Variants in P2RY2 observed in about 807,000 individuals in gnomAD.
P2RY2 encodes the protein P2Y purinoceptor 2.
For synonymous variants in P2RY2, 241 were observed against 231.9 expected, an observed-to-expected ratio of 1.04 and a Z score of -0.35; for missense variants, 567 against 515.7, an observed-to-expected ratio of 1.10 and a Z score of -0.96.
rs1017642060 is a variant in P2RY2, at chr11:73,238,370, C to A, written c.*3077C>A. On this transcript the variant is annotated 3_prime_UTR_variant, in exon 3 of 3. Transcript: ENST00000393597. ...GGTCCCTGGCACACAGGGGTCTCTG[C>A]CCTGGGTGGCAGGTGTCCCAGGGTC... 1.4e-4 allele frequency among the ~76,000 whole-genome samples: 21 copies of A among 152,280 alleles called. No individual in the cohort carries two copies. Among genetic ancestry groups the A allele is most frequent in the African/African-American group, 4.6e-4 (19 of 41,550 alleles).
chr11:73,221,626 C>T lies in P2RY2; in HGVS notation c.-200+3194C>T, dbSNP rs186067488. 1.6e-3 allele frequency among the ~76,000 whole-genome samples: 243 copies of T among 152,278 alleles called. 2 individuals are homozygous for T. Among genetic ancestry groups the T allele is most frequent in the African/African-American group, 5.3e-3 (222 of 41,560 alleles). On this transcript the variant is annotated intron_variant, in intron 1 of 2. Transcript: ENST00000393597. ...TGCCCCTCATGCCTTCCACCCAAAC[C>T]GCCTCTCCCCAAACTGCTTTCTGTA... is the stretch of plus-strand genomic sequence containing the variant.
intron 1 of P2RY2, among the ~76,000 whole-genome samples, chr11:73,222,896 A>G: frequency 6.6e-6 from 1 of 152,060 alleles, no homozygotes; most frequent in East Asian, 1.9e-4. Flanking sequence ...CTGACTGGGT[A>G]CTCCTCAAGG....
rs1862732294 is a variant in P2RY2 at position 73,239,605 on chromosome 11, C to G, written c.*4312C>G. On this transcript the variant is annotated 3_prime_UTR_variant, in exon 3 of 3. Coordinates refer to ENST00000393597, the MANE Select transcript of P2RY2 (RefSeq NM_002564.4). ...ACAGATCTAGGAGCAGAGGACTGGT[C>G]TGGAGCTGGGCAAGGGCAGGCAGCA... 6.6e-6 allele frequency: 1 copy of G among 152,348 alleles called. No homozygotes were observed. Among genetic ancestry groups the G allele is most frequent in the East Asian group, 1.9e-4 (1 of 5,200 alleles). 9.4% of individuals were successfully genotyped at this position (152,348 alleles called of 1,614,324 possible). A position where few individuals can be genotyped will look rare whatever the true frequency, so the allele number is the denominator to read the frequency against.
At chr11:73,220,675 G>A (rs1259632272) in intron 1 of P2RY2, among the ~76,000 whole-genome samples, 1 of 152,182 alleles carries the variant, frequency 6.6e-6, no homozygotes, top group East Asian at 1.9e-4. Flanking sequence ...CAAAAGGCTT[G>A]TCGCTCTTTC....
At chr11:73,222,972 T>C (rs974365189) in intron 1 of P2RY2, among the ~76,000 whole-genome samples, 10 of 152,230 alleles carry the variant, frequency 6.6e-5, no homozygotes, top group African/African-American at 2.4e-4. Flanking sequence ...CACCAGAGCA[T>C]TGGCAAGTGT....
At position 73,235,468 on chromosome 11, in the gene P2RY2, G is replaced by C; in HGVS notation, c.*175G>C. On this transcript the variant is annotated 3_prime_UTR_variant, in exon 3 of 3. Transcript: ENST00000393597. ...TTCACTCTGTGGTCCAGAGTCAACT[G>C]TTCCCATAACCCCTAGTCATCGTTT... 1 of 1,364,988 alleles carries C rather than the reference G, an allele frequency of 7.3e-7. No individual in the cohort carries two copies. The highest frequency in any genetic ancestry group is 9.5e-7 in the Non-Finnish European group (1 of 1,056,774). 84.6% of individuals were successfully genotyped at this position (1,364,988 alleles called of 1,614,324 possible).
chr11:73,227,085 A>G (rs1862299474), intron 1 of P2RY2, among the ~76,000 whole-genome samples: 1 of 151,874 alleles, frequency 6.6e-6, no homozygotes, highest in African/African-American at 2.4e-5. Context: ...CCCTAGCCCC[A>G]CAACCCCAAC....
Position 73,242,144 on chromosome 11 carries a change from G to C in P2RY2, c.*6851G>C, listed in dbSNP as rs1862787926. The C allele has an allele frequency of 6.6e-6, 1 of 152,100 alleles. No individual in the cohort carries two copies. The highest frequency in any genetic ancestry group is 2.1e-4 in the South Asian group (1 of 4,818). 9.4% of individuals were successfully genotyped at this position (152,100 alleles called of 1,614,324 possible). On this transcript the variant is annotated 3_prime_UTR_variant, in exon 3 of 3. Coordinates refer to ENST00000393597, the MANE Select transcript of P2RY2 (RefSeq NM_002564.4). ...AGATGTCTTACCCCAGTTGTTTCCA[G>C]GTTTCTTTAGAAAGCGGGCTATTTT...
At chr11:73,228,762 T>G (rs1162522061) in intron 2 of P2RY2, among the ~76,000 whole-genome samples, 1 of 152,162 alleles carries the variant, frequency 6.6e-6, no homozygotes, top group Non-Finnish European at 1.5e-5. Context: ...CTAAGAAACC[T>G]TTAAGCATTT....
chr11:73,239,065 C>T lies in P2RY2; in HGVS notation c.*3772C>T, dbSNP rs1176824936. The T allele has an allele frequency of 6.6e-6, 1 of 152,258 alleles. No homozygotes were observed. The highest frequency in any genetic ancestry group is 2.4e-5 in the African/African-American group (1 of 41,460). 9.4% of individuals were successfully genotyped at this position (152,258 alleles called of 1,614,324 possible). A position where few individuals can be genotyped will look rare whatever the true frequency, so the allele number is the denominator to read the frequency against. On this transcript the variant is annotated 3_prime_UTR_variant, in exon 3 of 3. Coordinates refer to ENST00000393597, the MANE Select transcript of P2RY2 (RefSeq NM_002564.4). ...AGGGGCTTCCCTACGTTATTACGCA[C>T]AAAGTCCTCCTCACAGTGCCTGGTG...
intron 2 of P2RY2, among the ~76,000 whole-genome samples, chr11:73,232,044 C>T (rs1007747702): frequency 3.3e-5 from 5 of 151,944 alleles, no homozygotes; most frequent in Non-Finnish European, 5.9e-5. Context: ...AGGTGGACTC[C>T]GTCTAAAAAT....
intron 2 of P2RY2, among the ~76,000 whole-genome samples, chr11:73,230,824 G>C (rs1862431280): frequency 6.6e-6 from 1 of 151,584 alleles, no homozygotes; most frequent in Admixed American, 6.6e-5. Context: ...CAGACTTGAG[G>C]GCTGGGCTTT....
chr11:73,229,981 T>A (rs534345527), intron 2 of P2RY2, among the ~76,000 whole-genome samples: 2 of 152,112 alleles, frequency 1.3e-5, no homozygotes, highest in African/African-American at 4.8e-5. Context: ...TGTCTGAGAC[T>A]TGGGAGGGAA....
intron 1 of P2RY2, among the ~76,000 whole-genome samples, chr11:73,218,832 A>G (rs1050557771): frequency 1.3e-5 from 2 of 152,112 alleles, no homozygotes; most frequent in Admixed American, 6.5e-5. Context: ...GCCGGTGCCC[A>G]GAGACGCGAA....
At chr11:73,223,195 G>A (rs182462112) in intron 1 of P2RY2, among the ~76,000 whole-genome samples, 7 of 152,308 alleles carry the variant, frequency 4.6e-5, no homozygotes, top group Admixed American at 1.3e-4. Context: ...ACCTGGAGGG[G>A]CCATCTCAGA....
chr11:73,229,663 A>G (rs1862391199), intron 2 of P2RY2, among the ~76,000 whole-genome samples: 1 of 152,088 alleles, frequency 6.6e-6, no homozygotes, highest in Non-Finnish European at 1.5e-5. Context: ...GTGTCTTAAA[A>G]CAGGCGGAAG....
In P2RY2 at chr11:73,235,150, C is replaced by T. The variant is rs780523873; in HGVS notation, c.991C>T (p.Pro331Ser). The T allele has an allele frequency of 7.5e-6, 12 of 1,607,748 alleles. No homozygotes were observed. In the East Asian group the frequency reaches 1.8e-4, roughly 24 times the overall value. ...ACCCACTGGCCCCAGCCCTGCCACC[C>T]CGGCTCGCCGCAGGCTGGGCCTGCG... is the stretch of plus-strand genomic sequence containing the variant. The part of the protein sequence containing the change: ...KPPTGPSPAT[P>S]ARRRLGLRRS... Residue 331 changes from proline to serine, a missense_variant, in exon 3 of 3, where the codon CCG (proline) becomes TCG (serine). Pro to Ser is a moderately conservative substitution (Grantham distance 74). Transcript: ENST00000393597.
In P2RY2 at chr11:73,237,961, A is replaced by G. The variant is rs986936089; in HGVS notation, c.*2668A>G. On this transcript the variant is annotated 3_prime_UTR_variant, in exon 3 of 3. Coordinates refer to ENST00000393597, the MANE Select transcript of P2RY2 (RefSeq NM_002564.4). ...TTCCCTGCCCCCTTCACACCTCCCT[A>G]ACCTGACATCACTTCCTGGGCTGTT... 8.5e-5 allele frequency among the ~76,000 whole-genome samples: 13 copies of G among 152,228 alleles called. No homozygotes were observed. In the East Asian group the frequency reaches 2.1e-3, roughly 25 times the overall value.
In P2RY2 at chr11:73,237,590, T is replaced by A. The variant is rs1035114790; in HGVS notation, c.*2297T>A. Among the ~76,000 whole-genome samples the A allele has an allele frequency of 6.6e-6, 1 of 152,118 alleles. No homozygotes were observed. Among genetic ancestry groups the A allele is most frequent in the African/African-American group, 2.4e-5 (1 of 41,418 alleles). On this transcript the variant is annotated 3_prime_UTR_variant, in exon 3 of 3. Coordinates refer to ENST00000393597, the MANE Select transcript of P2RY2 (RefSeq NM_002564.4). ...ATGATTGCCTGTTACAAACCACCCT[T>A]GAGCCTTTCCCACAGGCCCGAGCCA... is the stretch of plus-strand genomic sequence containing the variant.
Sources: allele counts gnomAD v4.1 joint callset (sites outside exome capture counted in the v4.1 genomes callset), GRCh38; gene constraint gnomAD v4.1.1; transcripts MANE v1.5; gene names NCBI Gene and HGNC (gene_info 2026-07-23, HGNC 2026-07-21).